PIK3R5: variants seen among roughly 807,000 people sequenced by gnomAD.
PIK3R5 encodes the protein phosphoinositide 3-kinase regulatory subunit 5.
A neutral mutation model predicts 94.9 loss-of-function variants in PIK3R5; 32 were observed. The observed-to-expected ratio is 0.34, with a 90% CI of 0.25 to 0.45. The LOEUF is 0.45. PIK3R5 is among the 20% of genes least tolerant of loss of function. PIK3R5 has a pLI of 1.00. For missense variants in PIK3R5, 853 were observed against 1,144.6 expected (o/e 0.75, Z 3.68); for synonymous variants, 443 against 479.4 (o/e 0.92, Z 0.99).
chr17:8,891,701 A>G (rs1369320418), intron 6 of PIK3R5, among the ~76,000 whole-genome samples: 3 of 146,908 alleles, frequency 2.0e-5, no homozygotes, highest in East Asian at 4.0e-4. Context: ...GGTTCACACC[A>G]TTCTCCTGCC....
intron 1 of PIK3R5, among the ~76,000 whole-genome samples, chr17:8,941,526 GC>G (rs1256614827): frequency 6.6e-6 from 1 of 152,244 alleles, no homozygotes; most frequent in Non-Finnish European, 1.5e-5. Context: ...TACACCAGCA[GC>G]CCCAATGTTT....
chr17:8,910,411 G>A (rs912454510), intron 2 of PIK3R5, among the ~76,000 whole-genome samples: 7 of 152,190 alleles, frequency 4.6e-5, no homozygotes, highest in African/African-American at 1.7e-4. Context: ...AGGCAAGAAA[G>A]AAAACTACCA....
At chr17:8,908,947 G>A (rs2090460845) in intron 3 of PIK3R5, 127 bp downstream of exon 3, 3 of 609,138 alleles carry the variant, frequency 4.9e-6, no homozygotes, top group South Asian at 2.0e-5. Context: ...AAACTCACAG[G>A]TTCCCAGGGC....
Position 8,952,616 on chromosome 17 carries a change from C to T in PIK3R5, c.-14+12980G>A, listed in dbSNP as rs149079888. The stretch of plus-strand genomic sequence containing the variant: ...CAGTTAGTATTGAAGCGACTTAAGT[C>T]GAGAGAGTAATATTTTTATAAATGA... On this transcript the variant is annotated intron_variant, in intron 1 of 18. Coordinates refer to ENST00000447110, the MANE Select transcript of PIK3R5 (RefSeq NM_001142633.3). Among the ~76,000 whole-genome samples, 745 of 152,136 alleles carry T rather than the reference C, an allele frequency of 4.9e-3. 16 individuals carry two copies. Among genetic ancestry groups the T allele is most frequent in the Admixed American group, 0.046 (703 of 15,288 alleles).
chr17:8,928,556 G>T (rs997827064), intron 1 of PIK3R5, among the ~76,000 whole-genome samples: 1 of 152,160 alleles, frequency 6.6e-6, no homozygotes, highest in Non-Finnish European at 1.5e-5. Context: ...GAATGACAGT[G>T]TACTTTTCAT....
In PIK3R5 at chr17:8,947,860, G is replaced by A. The variant is rs1396860093; in HGVS notation, c.-14+17736C>T. Among the ~76,000 whole-genome samples, 7 of 151,968 alleles carry A rather than the reference G, an allele frequency of 4.6e-5. No homozygotes were observed. In the East Asian group the frequency reaches 5.8e-4, roughly 13 times the overall value. On this transcript the variant is annotated intron_variant, in intron 1 of 18. Transcript: ENST00000447110. ...AGATCCAGACCATCCTGGCTAACACGGTGAAATCCCATCTCTACTAAAAAC... is the reference window on the plus strand; with the variant it reads ...AGATCCAGACCATCCTGGCTAACACAGTGAAATCCCATCTCTACTAAAAAC...
chr17:8,915,904 T>C, intron 1 of PIK3R5: 1 of 153,216 alleles, frequency 6.5e-6, no homozygotes, highest in Non-Finnish European at 1.5e-5. Context: ...TGGCTTCTCT[T>C]TCTCATTCTG....
At chr17:8,894,093 C>T (rs953203046) in intron 5 of PIK3R5, among the ~76,000 whole-genome samples, 1 of 152,212 alleles carries the variant, frequency 6.6e-6, no homozygotes. Flanking sequence ...GGCCAGGTCA[C>T]TTTAGCCCTG....
chr17:8,922,859 A>C (rs996968360), intron 1 of PIK3R5, among the ~76,000 whole-genome samples: 1 of 152,102 alleles, frequency 6.6e-6, no homozygotes, highest in Non-Finnish European at 1.5e-5. Flanking sequence ...CATGGTGTGG[A>C]GGTCCAGGGA....
At chr17:8,918,629 A>G (rs2090673587) in intron 1 of PIK3R5, among the ~76,000 whole-genome samples, 1 of 152,230 alleles carries the variant, frequency 6.6e-6, no homozygotes, top group Non-Finnish European at 1.5e-5. Flanking sequence ...ACACCATGGT[A>G]ATAATTGTAG....
intron 1 of PIK3R5, among the ~76,000 whole-genome samples, chr17:8,959,973 T>C (rs1178126947): frequency 6.6e-6 from 1 of 152,174 alleles, no homozygotes; most frequent in East Asian, 1.9e-4. Context: ...GGACACGCTA[T>C]CTGGTGATGG....
chr17:8,953,703 G>A (rs2091419229), intron 1 of PIK3R5, among the ~76,000 whole-genome samples: 1 of 152,224 alleles, frequency 6.6e-6, no homozygotes, highest in South Asian at 2.1e-4. Flanking sequence ...CTGAAGAGGG[G>A]AAGTGGACTA....
rs995641360 is a variant in PIK3R5 at position 8,935,803 on chromosome 17, C to G, written c.-13-24296G>C. The stretch of plus-strand genomic sequence containing the variant: ...CGCATGGTGGCTCACGCTTGTAATC[C>G]CAGCACTTTGGGAGGCTGAGGCGGG... On this transcript the variant is annotated intron_variant, in intron 1 of 18. Coordinates refer to ENST00000447110, the MANE Select transcript of PIK3R5 (RefSeq NM_001142633.3). This position sits in a 1 kb window ranked among gnomAD's most constrained non-coding sequence, Gnocchi z 4.5. Among the ~76,000 whole-genome samples, 17 of 152,054 alleles carry G rather than the reference C, an allele frequency of 1.1e-4. No homozygotes were observed. Among genetic ancestry groups the G allele is most frequent in the Non-Finnish European group, 1.9e-4 (13 of 67,996 alleles).
At chr17:8,953,999 G>A (rs886943910) in intron 1 of PIK3R5, among the ~76,000 whole-genome samples, 3 of 151,834 alleles carry the variant, frequency 2.0e-5, no homozygotes, top group South Asian at 2.1e-4. Context: ...GGGAGTTATC[G>A]CTCCTGGGGA....
intron 5 of PIK3R5, among the ~76,000 whole-genome samples, chr17:8,900,843 A>G (rs2090265419): frequency 6.6e-6 from 1 of 152,132 alleles, no homozygotes; most frequent in South Asian, 2.1e-4. Context: ...CATAGCGTGC[A>G]TTGAGCTGAG....
chr17:8,895,059 T>G (rs918695843), intron 5 of PIK3R5, among the ~76,000 whole-genome samples: 1 of 152,204 alleles, frequency 6.6e-6, no homozygotes. Context: ...AAGTTAACGT[T>G]TGGTCCATTT....
chr17:8,950,485 C>T (rs1276375184), intron 1 of PIK3R5, among the ~76,000 whole-genome samples: 1 of 152,100 alleles, frequency 6.6e-6, no homozygotes, highest in Non-Finnish European at 1.5e-5. Flanking sequence ...GTCTATTGCT[C>T]CCATGTTTAT....
chr17:8,956,832 G>C (rs1223168095), intron 1 of PIK3R5, among the ~76,000 whole-genome samples: 2 of 152,164 alleles, frequency 1.3e-5, no homozygotes, highest in Non-Finnish European at 2.9e-5. Context: ...ACGGAGGAAG[G>C]CAATTTTGAA....
chr17:8,919,598 A>AT (rs1250561163), intron 1 of PIK3R5, among the ~76,000 whole-genome samples: 3 of 152,210 alleles, frequency 2.0e-5, no homozygotes, highest in African/African-American at 7.2e-5. Context: ...ATTCTGGAAC[A>AT]TCTTGATGAC....
Sources: gnomAD v4.1 joint callset for allele counts (sites outside exome capture counted in the v4.1 genomes callset) on GRCh38, gnomAD v4.1.1 for gene constraint, Gnocchi (gnomAD v3.1) non-coding constraint, MANE v1.5 for transcripts, NCBI Gene and HGNC (gene_info 2026-07-23, HGNC 2026-07-21) for gene names.